Variants in SLC16A2 observed in about 807,000 individuals in gnomAD.
The protein encoded by SLC16A2 is monocarboxylate transporter 8.
SLC16A2 carries 3 observed loss-of-function variants against 27.2 expected under a neutral mutation model. The ratio of observed to expected loss-of-function variants is 0.11; its 90% confidence interval spans 0.05 to 0.28. The LOEUF is 0.28. SLC16A2 is among the 10% of genes least tolerant of loss of function. SLC16A2 has a pLI of 1.00. For missense variants in SLC16A2, 295 were observed against 458.5 expected (o/e 0.64, Z 3.26); for synonymous variants, 202 against 187.8 (o/e 1.08, Z -0.62).
At position 74,531,839 on chromosome X, in the gene SLC16A2, T is replaced by TG. The variant is rs1249577079; in HGVS notation, c.*291dup. Reference sequence around the variant, plus strand: ...ACCTCTCCATATACTTTCTAAGCTCTGGGGGAGGAGGAGGATGGGACCTCC... The same window carrying TG: ...ACCTCTCCATATACTTTCTAAGCTCTGGGGGGAGGAGGAGGATGGGACCTCC... On this transcript the variant is annotated 3_prime_UTR_variant, in exon 6 of 6. Transcript: ENST00000587091. 7.8e-6 allele frequency: 3 copies of TG among 385,459 alleles called. No individual in the cohort carries two copies. Among genetic ancestry groups the TG allele is most frequent in the South Asian group, 3.6e-5 (1 of 27,737 alleles). 31.8% of individuals were successfully genotyped at this position (385,459 alleles called of 1,213,427 possible).
At chrX:74,473,339 G>T in intron 1 of SLC16A2, 1 of 546,208 alleles carries the variant, frequency 1.8e-6, no homozygotes, top group Non-Finnish European at 3.3e-6. Flanking sequence ...CCATGACCAT[G>T]ATCAAAGTTT....
At chrX:74,503,301 G>A (rs995054457) in intron 1 of SLC16A2, among the ~76,000 whole-genome samples, 2 of 110,986 alleles carry the variant, frequency 1.8e-5, no homozygotes, top group Non-Finnish European at 3.8e-5. Context: ...ATTTTCTTTT[G>A]ACCCATACTG....
chrX:74,462,988 A>G (rs1056213110), intron 1 of SLC16A2, among the ~76,000 whole-genome samples: 1 of 111,757 alleles, frequency 8.9e-6, no homozygotes, highest in Non-Finnish European at 1.9e-5. Context: ...TTTGTGGCTC[A>G]ATTTACCCAC....
intron 1 of SLC16A2, among the ~76,000 whole-genome samples, chrX:74,465,126 T>A (rs1929226891): frequency 8.9e-6 from 1 of 112,027 alleles, no homozygotes; most frequent in South Asian, 3.7e-4. Context: ...GGATATGAGA[T>A]CCATCTCATG....
intron 1 of SLC16A2, among the ~76,000 whole-genome samples, chrX:74,457,242 A>G (rs1390974354): frequency 8.9e-6 from 1 of 111,776 alleles, no homozygotes; most frequent in East Asian, 2.8e-4. Context: ...GGTTTGTTAC[A>G]TATGTATACA....
intron 1 of SLC16A2, among the ~76,000 whole-genome samples, chrX:74,493,951 T>C (rs759542540): frequency 9.0e-6 from 1 of 111,661 alleles, no homozygotes; most frequent in African/African-American, 3.3e-5. Flanking sequence ...GCTTCTTTCT[T>C]GCTTCTCCCC....
chrX:74,504,692 G>T (rs1930093219), intron 1 of SLC16A2, among the ~76,000 whole-genome samples: 2 of 112,363 alleles, frequency 1.8e-5, no homozygotes, highest in South Asian at 7.3e-4. Context: ...GTTGCTCAAG[G>T]TCAAATAGAA....
At chrX:74,471,331 A>G (rs936180835) in intron 1 of SLC16A2, among the ~76,000 whole-genome samples, 2 of 112,005 alleles carry the variant, frequency 1.8e-5, no homozygotes, top group Non-Finnish European at 3.8e-5. Flanking sequence ...GACAGTTATT[A>G]TAATCCTGGG....
At chrX:74,462,554 G>A (rs1303255283) in intron 1 of SLC16A2, among the ~76,000 whole-genome samples, 1 of 111,457 alleles carries the variant, frequency 9.0e-6, no homozygotes, top group African/African-American at 3.3e-5. Context: ...TCCTGACCTC[G>A]TGATCCGCCC....
chrX:74,514,724 G>A (rs1279379452), intron 1 of SLC16A2, among the ~76,000 whole-genome samples: 3 of 111,643 alleles, frequency 2.7e-5, no homozygotes, highest in Non-Finnish European at 5.6e-5. Flanking sequence ...GACCACATGG[G>A]AAACAGTAAC....
chrX:74,456,975 C>G (rs896841527), intron 1 of SLC16A2, among the ~76,000 whole-genome samples: 4 of 111,548 alleles, frequency 3.6e-5, no homozygotes, highest in African/African-American at 1.3e-4. Flanking sequence ...GCTGGCCCTC[C>G]CAGCTGATAG....
At chrX:74,449,090 A>G (rs1243506710) in intron 1 of SLC16A2, among the ~76,000 whole-genome samples, 2 of 111,641 alleles carry the variant, frequency 1.8e-5, no homozygotes, top group East Asian at 2.8e-4. Flanking sequence ...AGGCAGGACT[A>G]ACCATTCAGT....
chrX:74,504,497 C>A (rs777834901), intron 1 of SLC16A2, among the ~76,000 whole-genome samples: 2 of 112,148 alleles, frequency 1.8e-5, no homozygotes, highest in Non-Finnish European at 3.8e-5. Flanking sequence ...GGGACATGTG[C>A]TCTCTTCATT....
At chrX:74,455,993 G>A (rs764797927) in intron 1 of SLC16A2, among the ~76,000 whole-genome samples, 269 of 112,132 alleles carry the variant, frequency 2.4e-3, no homozygotes, top group Non-Finnish European at 4.3e-3. Flanking sequence ...GAAGGAAGAA[G>A]CAAGGTCTCT....
intron 1 of SLC16A2, among the ~76,000 whole-genome samples, chrX:74,462,025 A>G (rs1929157309): frequency 9.0e-6 from 1 of 111,191 alleles, no homozygotes; most frequent in Non-Finnish European, 1.9e-5. Context: ...CAGCTCCTTA[A>G]TAGCTGCCCC....
intron 1 of SLC16A2, among the ~76,000 whole-genome samples, chrX:74,486,791 T>G (rs1602127858): frequency 8.9e-6 from 1 of 112,007 alleles, no homozygotes; most frequent in Admixed American, 9.5e-5. Context: ...CACATGTATG[T>G]TTATTGCAGC....
At chrX:74,465,295 C>T (rs1238920110) in intron 1 of SLC16A2, among the ~76,000 whole-genome samples, 4 of 111,190 alleles carry the variant, frequency 3.6e-5, no homozygotes, top group South Asian at 3.8e-4. Flanking sequence ...GAGATTTTGC[C>T]GCAGTATGGA....
At chrX:74,510,895 T>G (rs1218451093) in intron 1 of SLC16A2, among the ~76,000 whole-genome samples, 1 of 99,667 alleles carries the variant, frequency 1.0e-5, no homozygotes, top group Non-Finnish European at 2.0e-5. Context: ...CTTCAAAAAC[T>G]TAAAAAAAAA....
chrX:74,423,808 G>T (rs1928357628), intron 1 of SLC16A2, among the ~76,000 whole-genome samples: 1 of 111,672 alleles, frequency 9.0e-6, no homozygotes. Context: ...TTGCCCTGTG[G>T]TTGAAGGCAG....
Sources: allele counts gnomAD v4.1 joint callset (sites outside exome capture counted in the v4.1 genomes callset), GRCh38; gene constraint gnomAD v4.1.1; transcripts MANE v1.5; gene names NCBI Gene and HGNC (gene_info 2026-07-23, HGNC 2026-07-21).